The following ATG14 variants were observed in gnomAD, a reference collection of about 807,000 sequenced individuals.
ATG14 encodes autophagy related 14, also known as beclin 1-associated autophagy-related key regulator.
ATG14 carries 35 observed loss-of-function variants against 60.4 expected under a neutral mutation model. The ratio of observed to expected loss-of-function variants is 0.58; its 90% CI spans 0.44 to 0.77. ATG14 has a LOEUF of 0.77. ATG14 is among the 30% of genes least tolerant of loss of function. The probability of loss-of-function intolerance (pLI) is 0.00; values close to 1 mark genes in which losing one functional copy is unlikely to be tolerated. For missense variants in ATG14, 647 were observed against 626.3 expected, an observed-to-expected ratio of 1.03 and a Z score of -0.35; for synonymous variants, 234 against 228.8, an observed-to-expected ratio of 1.02 and a Z score of -0.21.
Position 55,377,159 on chromosome 14 carries a change from C to T in ATG14, c.1172+660G>A, listed in dbSNP as rs145450300. Among the ~76,000 whole-genome samples the T allele has an allele frequency of 2.1e-3, 313 of 152,160 alleles. 1 individual carries two copies. The highest frequency in any genetic ancestry group is 3.9e-3 in the Non-Finnish European group (262 of 68,008). On this transcript the variant is annotated intron_variant, in intron 9 of 9. Transcript: ENST00000247178. The stretch of plus-strand genomic sequence containing the variant: ...GTCAGGAGTTTGAGACCAGCCTGGC[C>T]AACATGATGAAACCCTGTCTCTACT...
At chr14:55,378,223 C>A (rs1360899097) in intron 7 of ATG14, 149 bp from the exon 8 acceptor site, 2 of 639,682 alleles carry the variant, frequency 3.1e-6, no homozygotes, top group South Asian at 2.0e-5. Flanking sequence ...TAAGAATACA[C>A]CATTCCCCTC....
intron 9 of ATG14, among the ~76,000 whole-genome samples, chr14:55,372,764 T>C (rs1019070295): frequency 6.6e-6 from 1 of 152,120 alleles, no homozygotes; most frequent in Non-Finnish European, 1.5e-5. Context: ...TCTTCTTTGA[T>C]GCTGCCTTCT....
intron 3 of ATG14, among the ~76,000 whole-genome samples, chr14:55,391,471 TAAA>T (rs746307684): frequency 2.6e-5 from 2 of 75,782 alleles, no homozygotes. Context: ...TGAGACTCCA[TAAA>T]AAAAAAAAAA....
intron 3 of ATG14, chr14:55,395,357 G>A (rs76977612): frequency 0.064 from 13,171 of 206,018 alleles, 509 homozygotes; most frequent in Non-Finnish European, 0.081. Flanking sequence ...TAAATTTTTT[G>A]TTTGTTTGTT....
At chr14:55,408,538 G>A (rs1594786099) in intron 1 of ATG14, among the ~76,000 whole-genome samples, 2 of 152,280 alleles carry the variant, frequency 1.3e-5, no homozygotes, top group East Asian at 1.9e-4. Context: ...TTGGGAGGCT[G>A]AGGCAGGAGG....
At chr14:55,397,943 CTT>C (rs928087584) in intron 1 of ATG14, among the ~76,000 whole-genome samples, 2,042 of 105,300 alleles carry the variant, frequency 0.019, 19 homozygotes, top group African/African-American at 0.076. Context: ...TGCAGTAATT[CTT>C]TTTTTTTTTT....
At chr14:55,389,884 G>C (rs1320507188) in intron 4 of ATG14, among the ~76,000 whole-genome samples, 1 of 151,820 alleles carries the variant, frequency 6.6e-6, no homozygotes, top group Non-Finnish European at 1.5e-5. Flanking sequence ...TTTTGACAAC[G>C]ATCTATGATA....
chr14:55,389,846 A>C (rs1885184151), intron 4 of ATG14, among the ~76,000 whole-genome samples: 1 of 152,228 alleles, frequency 6.6e-6, no homozygotes, highest in African/African-American at 2.4e-5. Flanking sequence ...GAAGTGGCTT[A>C]AGGATGTAGG....
chr14:55,411,569 GAAGA>G (rs1885572599), intron 1 of ATG14, 29 bp downstream of exon 1: 1 of 1,576,568 alleles, frequency 6.3e-7, no homozygotes, highest in Admixed American at 1.8e-5. Context: ...ACACACAGCA[GAAGA>G]AACAATAGGG....
chr14:55,380,519 T>G, intron 7 of ATG14, 54 bp downstream of exon 7: 1 of 1,199,614 alleles, frequency 8.3e-7, no homozygotes. Flanking sequence ...AAAGACAAAA[T>G]AGAAACTTGA....
At chr14:55,389,317 G>T (rs1885176084) in intron 4 of ATG14, among the ~76,000 whole-genome samples, 1 of 152,142 alleles carries the variant, frequency 6.6e-6, no homozygotes, top group Non-Finnish European at 1.5e-5. Flanking sequence ...ATGAACTAAT[G>T]TTAAGGAATG....
rs1885330021 is a variant in ATG14 at position 55,397,369 on chromosome 14, C to CA, written c.284+2dup. 1.2e-6 allele frequency: 2 copies of CA among 1,612,580 alleles called. No individual in the cohort carries two copies. The highest frequency in any genetic ancestry group is 2.2e-5 in the East Asian group (1 of 44,860). ...AAATTAAAAGACAAAACAAAACACT[C>CA]ACTCTTTCTGAAATTCTTCTTGCTT... On this transcript the variant is annotated splice_region_variant and intron_variant, in intron 2 of 9. Transcript: ENST00000247178.
intron 1 of ATG14, among the ~76,000 whole-genome samples, chr14:55,410,021 G>C (rs1885547006): frequency 6.6e-6 from 1 of 152,138 alleles, no homozygotes; most frequent in Admixed American, 6.5e-5. Context: ...AGAGTAGATG[G>C]GATTTGTTGA....
intron 4 of ATG14, 79 bp from the exon 5 acceptor site, chr14:55,386,175 G>T: frequency 8.1e-7 from 1 of 1,229,458 alleles, no homozygotes; most frequent in Non-Finnish European, 1.1e-6. Flanking sequence ...CCACAAACAT[G>T]CGTGTTTTCC....
At chr14:55,372,144 C>T (rs1012505947) in intron 9 of ATG14, among the ~76,000 whole-genome samples, 3 of 152,130 alleles carry the variant, frequency 2.0e-5, no homozygotes, top group Non-Finnish European at 4.4e-5. Context: ...ATATCTGAAC[C>T]AGTCTCAAAA....
intron 3 of ATG14, among the ~76,000 whole-genome samples, chr14:55,393,466 G>C (rs944045768): frequency 6.6e-6 from 1 of 151,810 alleles, no homozygotes; most frequent in African/African-American, 2.4e-5. Context: ...AAGAAAAACA[G>C]AAAATGTGAC....
At chr14:55,408,706 G>C (rs1017065834) in intron 1 of ATG14, among the ~76,000 whole-genome samples, 1 of 152,206 alleles carries the variant, frequency 6.6e-6, no homozygotes. Context: ...AGGAGTCTGA[G>C]GCTGCCGCAT....
In ATG14 at chr14:55,380,588, T is replaced by C; in HGVS notation, c.980A>G (p.Lys327Arg). 6.2e-7 allele frequency: 1 copy of C among 1,609,688 alleles called. No individual in the cohort carries two copies. The highest frequency in any genetic ancestry group is 8.5e-7 in the Non-Finnish European group (1 of 1,176,834). ...LSHILDVNLP[K>R]KLCNSEFCGE... is the part of the protein sequence containing the mutation. Reference sequence around the variant, plus strand: ...AATTACTTGCCTGTTGCAGAGCTTTTTGGGAAGATTTACATCAAGTATATG... The same window carrying C: ...AATTACTTGCCTGTTGCAGAGCTTTCTGGGAAGATTTACATCAAGTATATG... The change falls in exon 7 of 10, where the codon AAA becomes AGA. Residue 327 changes from lysine to arginine, a missense_variant. Transcript: ENST00000247178.
At chr14:55,380,475 C>T in intron 7 of ATG14, 98 bp downstream of exon 7, 3 of 785,718 alleles carry the variant, frequency 3.8e-6, no homozygotes, top group Non-Finnish European at 4.2e-6. Flanking sequence ...CTTGGTAATA[C>T]TTACATTCTT....
Sources: gnomAD v4.1 joint callset for allele counts (sites outside exome capture counted in the v4.1 genomes callset) on GRCh38, gnomAD v4.1.1 for gene constraint, MANE v1.5 for transcripts, NCBI Gene and HGNC (gene_info 2026-07-23, HGNC 2026-07-21) for gene names.